LRP1B: variants seen among roughly 807,000 people sequenced by gnomAD.
LRP1B encodes the protein low-density lipoprotein receptor-related protein 1B.
Under a neutral mutation model 556.6 loss-of-function variants are expected in LRP1B, and 217 were observed. That is an observed-to-expected ratio of 0.39 (90% CI 0.35 to 0.44). The LOEUF (loss-of-function observed/expected upper bound fraction) is 0.44, where lower values mean the gene tolerates loss of function less well. Among genes scored for constraint, LRP1B ranks in the 20% least tolerant of loss-of-function variants. The pLI is 1.00. For synonymous variants in LRP1B, 2,047 were observed against 1,865.8 expected, an observed-to-expected ratio of 1.10 and a Z score of -2.50; for missense variants, 5,053 against 5,620.8, an observed-to-expected ratio of 0.90 and a Z score of 3.23.
chr2:141,590,453 A>G (rs72855453), intron 2 of LRP1B, among the ~76,000 whole-genome samples: 34,798 of 152,098 alleles, frequency 0.23, 5,011 homozygotes, highest in East Asian at 0.5. Context: ...TGTTGCAGAG[A>G]GACGGAAGAC....
intron 1 of LRP1B, among the ~76,000 whole-genome samples, chr2:141,832,339 A>T (rs1213178694): frequency 1.2e-4 from 18 of 150,144 alleles, no homozygotes; most frequent in Admixed American, 4.0e-4. Flanking sequence ...ACACACACAC[A>T]CACACACACA....
intron 41 of LRP1B, among the ~76,000 whole-genome samples, chr2:140,669,540 A>G (rs1180431781): frequency 1.3e-5 from 2 of 152,186 alleles, no homozygotes; most frequent in East Asian, 3.8e-4. Flanking sequence ...TCACGTTCCA[A>G]GATTTAATTA....
intron 66 of LRP1B, among the ~76,000 whole-genome samples, chr2:140,389,340 G>T (rs1375258831): frequency 6.6e-6 from 1 of 151,960 alleles, no homozygotes; most frequent in Non-Finnish European, 1.5e-5. Flanking sequence ...CTGGGAGCAA[G>T]ACGTGGAGAA....
intron 35 of LRP1B, among the ~76,000 whole-genome samples, chr2:140,729,276 A>T (rs888623211): frequency 1.2e-4 from 18 of 152,112 alleles, no homozygotes; most frequent in African/African-American, 4.1e-4. Context: ...ATTTGGATGC[A>T]CAGAGGCAAC....
chr2:141,490,941 T>G (rs200385856), intron 2 of LRP1B, among the ~76,000 whole-genome samples: 36,426 of 150,482 alleles, frequency 0.24, 5,450 homozygotes, highest in East Asian at 0.47. Flanking sequence ...TTTTTTTTTT[T>G]TTTTTTTTTT....
At chr2:141,660,103 G>C (rs1558786983) in intron 2 of LRP1B, among the ~76,000 whole-genome samples, 2 of 152,050 alleles carry the variant, frequency 1.3e-5, no homozygotes, top group South Asian at 4.2e-4. Context: ...AATGGAGAGT[G>C]AATCCTACAC....
At chr2:140,910,549 CATTT>C (rs1476397011) in intron 21 of LRP1B, among the ~76,000 whole-genome samples, 1 of 151,570 alleles carries the variant, frequency 6.6e-6, no homozygotes, top group African/African-American at 2.4e-5. Context: ...CAGAAAAAAA[CATTT>C]AATCATATTT....
intron 17 of LRP1B, 116 bp downstream of exon 17, chr2:140,989,416 G>T (rs1445959741): frequency 1.9e-6 from 2 of 1,061,998 alleles, no homozygotes; most frequent in African/African-American, 1.6e-5. Flanking sequence ...ATTTACTACT[G>T]CAATAATCAG....
intron 3 of LRP1B, among the ~76,000 whole-genome samples, chr2:141,378,953 T>C (rs1689535048): frequency 6.6e-6 from 1 of 152,124 alleles, no homozygotes; most frequent in African/African-American, 2.4e-5. Context: ...GAAGTGAGAA[T>C]ATTTGAATAC....
chr2:141,272,725 C>A (rs1236792363), intron 3 of LRP1B, among the ~76,000 whole-genome samples: 1 of 151,980 alleles, frequency 6.6e-6, no homozygotes, highest in Non-Finnish European at 1.5e-5. Context: ...CAAATAAAGA[C>A]ATTTTACAAC....
intron 3 of LRP1B, among the ~76,000 whole-genome samples, chr2:141,331,435 T>C (rs1023788556): frequency 1.3e-5 from 2 of 152,206 alleles, no homozygotes; most frequent in African/African-American, 2.4e-5. Context: ...ATACAGTGTG[T>C]CTGTCACAGC....
At chr2:141,378,628 T>C (rs565666131) in intron 3 of LRP1B, among the ~76,000 whole-genome samples, 1 of 152,260 alleles carries the variant, frequency 6.6e-6, no homozygotes, top group African/African-American at 2.4e-5. Flanking sequence ...ATAATGCCAC[T>C]ACACTCTAAC....
chr2:140,698,294 C>T (rs192400830), intron 41 of LRP1B, among the ~76,000 whole-genome samples: 37 of 152,068 alleles, frequency 2.4e-4, no homozygotes, highest in African/African-American at 8.7e-4. Context: ...TTAATCATTA[C>T]TGAAGACTCC....
chr2:140,659,173 A>T (rs766337830), intron 41 of LRP1B, among the ~76,000 whole-genome samples: 6 of 142,612 alleles, frequency 4.2e-5, no homozygotes, highest in Non-Finnish European at 7.5e-5. Context: ...ACATGTTATA[A>T]ATCTGTTTTC....
intron 60 of LRP1B, among the ~76,000 whole-genome samples, chr2:140,471,013 G>T (rs1687746291): frequency 6.6e-6 from 1 of 152,152 alleles, no homozygotes; most frequent in Non-Finnish European, 1.5e-5. Context: ...TCCTAGGAGG[G>T]TTTCAGTTTG....
In LRP1B at chr2:141,431,104, C is replaced by T. The variant is rs1680543879; in HGVS notation, c.343+49292G>A. On this transcript the variant is annotated intron_variant, in intron 3 of 90. Coordinates refer to ENST00000389484, the MANE Select transcript of LRP1B (RefSeq NM_018557.3). ...TGAGCTGTGATCATGCCACTGCATG[C>T]TAGCCTGAGCAAGAGAGTGACTCTG... Among the ~76,000 whole-genome samples the T allele has an allele frequency of 1.3e-5, 2 of 150,274 alleles. 1 individual carries two copies. The highest frequency in any genetic ancestry group is 4.2e-4 in the South Asian group (2 of 4,744).
intron 82 of LRP1B, among the ~76,000 whole-genome samples, chr2:140,317,871 G>T (rs533628182): frequency 1.4e-4 from 21 of 152,146 alleles, no homozygotes; most frequent in Middle Eastern, 6.8e-3. Flanking sequence ...GTACAACACT[G>T]CCTGATGAAA....
rs543507924 is a variant in LRP1B, at chr2:141,627,751, C to T, written c.206-147218G>A. On this transcript the variant is annotated intron_variant, in intron 2 of 90. Coordinates refer to ENST00000389484, the MANE Select transcript of LRP1B (RefSeq NM_018557.3). ...GTTAGGGACTGTTGATGTACAACAC[C>T]AAGAATGAATCCAAAGGTAAACTGT... Among the ~76,000 whole-genome samples the T allele has an allele frequency of 8.6e-4, 131 of 152,236 alleles. 2 individuals are homozygous for T. Among genetic ancestry groups the T allele is most frequent in the African/African-American group, 3.1e-3 (129 of 41,542 alleles).
intron 41 of LRP1B, among the ~76,000 whole-genome samples, chr2:140,682,882 T>C (rs1165043782): frequency 6.6e-6 from 1 of 152,170 alleles, no homozygotes; most frequent in Non-Finnish European, 1.5e-5. Context: ...TGATTTAGAA[T>C]GTTTACTTCA....
Sources: gnomAD v4.1 joint callset for allele counts (sites outside exome capture counted in the v4.1 genomes callset) on GRCh38, gnomAD v4.1.1 for gene constraint, MANE v1.5 for transcripts, NCBI Gene and HGNC (gene_info 2026-07-23, HGNC 2026-07-21) for gene names.